Variants in MYO1H observed in about 807,000 individuals in gnomAD.
MYO1H encodes the protein unconventional myosin-Ih.
MYO1H carries 118 observed loss-of-function variants against 149.3 expected under a neutral mutation model. The observed-to-expected ratio is 0.79, with a 90% confidence interval of 0.68 to 0.92. The LOEUF is 0.92. Ranked by LOEUF, MYO1H falls within the 40% of genes least tolerant of loss-of-function variation. MYO1H has a pLI of 0.00. For synonymous variants in MYO1H, 447 were observed against 465.2 expected (o/e 0.96, Z 0.50); for missense variants, 1,212 against 1,280.7 (o/e 0.95, Z 0.82).
chr12:109,348,782 GC>G (rs1868395305), intron 1 of MYO1H, among the ~76,000 whole-genome samples: 1 of 152,168 alleles, frequency 6.6e-6, no homozygotes, highest in South Asian at 2.1e-4. Context: ...AACATTATCT[GC>G]TGAAGGATTG....
In MYO1H at chr12:109,379,722, T is replaced by C. The variant is rs554147678; in HGVS notation, c.13-8961T>C. ...TTTAAAAAAGAAACTGTTTTAGCAA[T>C]TTTAACCTTTTTTTTTTTTTTTTTT... is the stretch of plus-strand genomic sequence containing the variant. On this transcript the variant is annotated intron_variant, in intron 1 of 31. Transcript: ENST00000310903. Among the ~76,000 whole-genome samples, 41 of 148,274 alleles carry C rather than the reference T, an allele frequency of 2.8e-4. 2 individuals carry two copies. In the South Asian group the frequency reaches 5.7e-3, roughly 21 times the overall value.
rs1401528710 is a variant in MYO1H, at chr12:109,393,566, T to TCCATTCATCCATCCATCCAC, written c.290+124_290+125insTCATCCATCCATCCACCCAT. 5.7e-5 allele frequency: 38 copies of TCCATTCATCCATCCATCCAC among 671,218 alleles called. No homozygotes were observed. The African/African-American group carries it at 6.0e-4, about 11-fold the overall frequency. 41.6% of individuals were successfully genotyped at this position (671,218 alleles called of 1,614,324 possible). A position where few individuals can be genotyped will look rare whatever the true frequency, so the allele number is the denominator to read the frequency against. Reference sequence around the variant, plus strand: ...ATCCATCCATCCATCCATCCATCCATCCATCCATCCGCCCACCCATCCATT... The same window carrying TCCATTCATCCATCCATCCAC: ...ATCCATCCATCCATCCATCCATCCATCCATTCATCCATCCATCCACCCATCCATCCGCCCACCCATCCATT... On this transcript the variant is annotated intron_variant, in intron 3 of 31. Transcript: ENST00000310903.
intron 19 of MYO1H, among the ~76,000 whole-genome samples, chr12:109,427,921 T>A (rs866080338): frequency 1.5e-4 from 12 of 79,182 alleles, no homozygotes; most frequent in African/African-American, 5.5e-4. Context: ...TATATATATA[T>A]ATATATATAT....
the MYO1H span, among the ~76,000 whole-genome samples, chr12:109,334,249 C>T: frequency 2.0e-5 from 3 of 152,280 alleles, no homozygotes; most frequent in East Asian, 3.9e-4. Flanking sequence ...AAACTCCTGA[C>T]CTCAGGTGAT....
At chr12:109,388,917 G>A in intron 2 of MYO1H, 73 bp downstream of exon 2, 5 of 1,496,830 alleles carry the variant, frequency 3.3e-6, no homozygotes, top group Non-Finnish European at 4.5e-6. Context: ...TTTGATGAGT[G>A]TGAATAATAG....
At chr12:109,322,896 C>CA in the MYO1H span, among the ~76,000 whole-genome samples, 1 of 150,470 alleles carries the variant, frequency 6.6e-6, no homozygotes, top group Non-Finnish European at 1.5e-5. Flanking sequence ...ATCACGAGGT[C>CA]AGGAGATCGA....
Position 109,354,713 on chromosome 12 carries a change from G to A in MYO1H, c.12+6741G>A, listed in dbSNP as rs547818372. Among the ~76,000 whole-genome samples, 3 of 152,200 alleles carry A rather than the reference G, an allele frequency of 2.0e-5. No homozygotes were observed. The East Asian group carries it at 5.8e-4, about 29-fold the overall frequency. On this transcript the variant is annotated intron_variant, in intron 1 of 31. Coordinates refer to ENST00000310903, the Ensembl canonical transcript of MYO1H. ...AAGTGCCCAAGATGTCTGCCCTTTA[G>A]GGAATGAATGTTTCCAGTAAACATA...
At chr12:109,388,272 AG>A (rs1377150272) in intron 1 of MYO1H, among the ~76,000 whole-genome samples, 2 of 152,252 alleles carry the variant, frequency 1.3e-5, no homozygotes, top group African/African-American at 4.8e-5. Flanking sequence ...CATGGTTGTC[AG>A]GAAAGCAAGT....
At chr12:109,355,603 G>A (rs893926601) in intron 1 of MYO1H, among the ~76,000 whole-genome samples, 1 of 152,116 alleles carries the variant, frequency 6.6e-6, no homozygotes, top group Non-Finnish European at 1.5e-5. Flanking sequence ...GCTAAAGTTT[G>A]CATCCTGCAT....
the MYO1H span, among the ~76,000 whole-genome samples, chr12:109,310,874 TCA>T: frequency 6.6e-6 from 1 of 152,226 alleles, no homozygotes; most frequent in Non-Finnish European, 1.5e-5. Context: ...TGAAACTTTC[TCA>T]GTTTTCATCT....
chr12:109,355,905 A>ATTTAG (rs952085099), intron 1 of MYO1H, among the ~76,000 whole-genome samples: 24 of 150,264 alleles, frequency 1.6e-4, no homozygotes, highest in Non-Finnish European at 2.7e-4. Flanking sequence ...TTTAGTAGAG[A>ATTTAG]TAGGGTTTCA....
chr12:109,340,173 A>AT, the MYO1H span, among the ~76,000 whole-genome samples: 9 of 152,142 alleles, frequency 5.9e-5, no homozygotes, highest in East Asian at 1.5e-3. Flanking sequence ...GTAAGAGTTC[A>AT]TTTTTTTAAT....
At chr12:109,428,506 T>TACACCA (rs1871474861) in intron 19 of MYO1H, among the ~76,000 whole-genome samples, 1 of 152,222 alleles carries the variant, frequency 6.6e-6, no homozygotes, top group African/African-American at 2.4e-5. Context: ...AAATTGCTTA[T>TACACCA]ACACCAACAC....
chr12:109,439,853 T>G (rs2135599584), intron 24 of MYO1H, 63 bp downstream of exon 24: 46 of 1,439,390 alleles, frequency 3.2e-5, no homozygotes, highest in Non-Finnish European at 4.0e-5. Context: ...AGCTTAACTC[T>G]TGCATGTCTT....
chr12:109,425,915 G>T, intron 17 of MYO1H, 31 bp from the exon 18 acceptor site: 2 of 1,357,198 alleles, frequency 1.5e-6, no homozygotes, highest in Non-Finnish European at 1.0e-6. Context: ...TCTCTGGCTC[G>T]TTCTCTCTCT....
At chr12:109,420,669 G>C (rs1408770113) in intron 15 of MYO1H, among the ~76,000 whole-genome samples, 2 of 152,048 alleles carry the variant, frequency 1.3e-5, no homozygotes, top group African/African-American at 4.8e-5. Flanking sequence ...AATTTGACTT[G>C]AGATTTGGGC....
At chr12:109,397,842 G>A (rs758001707) in intron 5 of MYO1H, 30 bp downstream of exon 5, 14 of 1,537,644 alleles carry the variant, frequency 9.1e-6, no homozygotes, top group Non-Finnish European at 1.1e-5. Flanking sequence ...ACTGGTTCAT[G>A]GGGACCCCTT....
rs1872524608 is a variant in MYO1H at position 109,447,244 on chromosome 12, G to A, written c.*62G>A. ...TGCTCCAACTGAGGAAACTACAGGG[G>A]AAGTGGGGATTGGATCCAGTTAGCT... On this transcript the variant is annotated 3_prime_UTR_variant, in exon 32 of 32. Transcript: ENST00000310903. 4 of 1,454,670 alleles carry A rather than the reference G, an allele frequency of 2.7e-6. No individual in the cohort carries two copies. The African/African-American group carries it at 5.6e-5, about 20-fold the overall frequency. 90.1% of individuals were successfully genotyped at this position (1,454,670 alleles called of 1,614,324 possible).
chr12:109,406,716 GTC>G, intron 8 of MYO1H, 71 bp from the exon 9 acceptor site: 1 of 1,428,928 alleles, frequency 7.0e-7, no homozygotes, highest in Non-Finnish European at 9.9e-7. Flanking sequence ...GCCATACCTT[GTC>G]TCTAAAAAAA....
Sources: gnomAD v4.1 joint callset for allele counts (sites outside exome capture counted in the v4.1 genomes callset) on GRCh38, gnomAD v4.1.1 for gene constraint, MANE v1.5 for transcripts, NCBI Gene and HGNC (gene_info 2026-07-23, HGNC 2026-07-21) for gene names.